PCCA: variants seen among roughly 807,000 people sequenced by gnomAD.
PCCA encodes propionyl-CoA carboxylase alpha chain, mitochondrial.
PCCA carries 74 observed loss-of-function variants against 101.3 expected under a neutral mutation model. The ratio of observed to expected loss-of-function variants is 0.73; its 90% CI spans 0.61 to 0.89. The LOEUF (loss-of-function observed/expected upper bound fraction) is 0.89, where lower values mean the gene tolerates loss of function less well. PCCA is among the 40% of genes least tolerant of loss of function. The pLI, the probability that PCCA is intolerant of heterozygous loss-of-function variation, is 0.00. For missense variants in PCCA, 891 were observed against 907.0 expected (o/e 0.98, Z 0.23); for synonymous variants, 294 against 313.6 (o/e 0.94, Z 0.66).
chr13:100,118,782 C>G (rs151012896), intron 4 of PCCA, among the ~76,000 whole-genome samples: 2,218 of 152,214 alleles, frequency 0.015, 25 homozygotes, highest in Non-Finnish European at 0.022. Flanking sequence ...CTCCTGGGCT[C>G]AAGAGATCCT....
intron 20 of PCCA, among the ~76,000 whole-genome samples, chr13:100,439,317 T>A (rs2080172991): frequency 6.6e-6 from 1 of 152,228 alleles, no homozygotes; most frequent in South Asian, 2.1e-4. Flanking sequence ...ACAAACTTTT[T>A]AAATTTCCCA....
Position 100,307,221 on chromosome 13 carries a change from A to C in PCCA, c.1314A>C (p.Gly438=). The part of the protein sequence containing the change: ...GVRVDSGIQP[G]SDISIYYDPM... ...GAGTGGACAGTGGCATCCAACCAGG[A>C]AGTGATATTAGCATTTATTATGATC... Residue 438 remains glycine (G), a synonymous_variant, in exon 15 of 24, where the codon GGA becomes GGC. Transcript: ENST00000376285. 1 of 1,610,976 alleles carries C rather than the reference A, an allele frequency of 6.2e-7. No homozygotes were observed. Among genetic ancestry groups the C allele is most frequent in the South Asian group, 1.1e-5 (1 of 91,014 alleles).
intron 12 of PCCA, among the ~76,000 whole-genome samples, chr13:100,276,751 A>G (rs1448290504): frequency 1.3e-5 from 2 of 152,044 alleles, no homozygotes; most frequent in African/African-American, 4.8e-5. Flanking sequence ...TTTTAAAAGT[A>G]TGATTCATTG....
chr13:100,368,222 C>A (rs1253213746), intron 18 of PCCA, among the ~76,000 whole-genome samples: 1 of 151,628 alleles, frequency 6.6e-6, no homozygotes, highest in African/African-American at 2.4e-5. Context: ...TTTAAAAAAA[C>A]CATTTTGAAT....
Position 100,373,976 on chromosome 13 carries a change from G to A in PCCA, c.1746+5402G>A, listed in dbSNP as rs531549280. Reference sequence around the variant, plus strand: ...AAAATACAAAAATTAGCCAAGTGTGGTAGCACGCGCCTGTAATCCCAGCTA... The same window carrying A: ...AAAATACAAAAATTAGCCAAGTGTGATAGCACGCGCCTGTAATCCCAGCTA... On this transcript the variant is annotated intron_variant, in intron 19 of 23. Transcript: ENST00000376285. Among the ~76,000 whole-genome samples the A allele has an allele frequency of 2.0e-3, 305 of 152,176 alleles. 2 individuals are homozygous for A. Among genetic ancestry groups the A allele is most frequent in the African/African-American group, 6.8e-3 (281 of 41,516 alleles).
chr13:100,298,787 A>G (rs1002744325), intron 12 of PCCA, among the ~76,000 whole-genome samples: 12 of 144,322 alleles, frequency 8.3e-5, no homozygotes, highest in African/African-American at 3.1e-4. Context: ...ACCCTGTTCT[A>G]TCACTTAAGT....
chr13:100,292,911 C>A (rs2065238348), intron 12 of PCCA, among the ~76,000 whole-genome samples: 1 of 142,864 alleles, frequency 7.0e-6, no homozygotes, highest in African/African-American at 2.6e-5. Flanking sequence ...AATATTAGGA[C>A]CCTGAATACA....
intron 4 of PCCA, among the ~76,000 whole-genome samples, chr13:100,118,662 CCTT>C (rs2049064868): frequency 6.6e-6 from 1 of 152,046 alleles, no homozygotes; most frequent in Non-Finnish European, 1.5e-5. Context: ...GATCCTCCCA[CCTT>C]AGTTTCCCAA....
intron 22 of PCCA, among the ~76,000 whole-genome samples, chr13:100,521,331 G>C (rs528725218): frequency 2.6e-5 from 4 of 152,342 alleles, no homozygotes; most frequent in Admixed American, 6.5e-5. Context: ...CGAGCCGGCA[G>C]CGGGGCTGGA....
chr13:100,216,361 G>A (rs577762343), intron 7 of PCCA, among the ~76,000 whole-genome samples: 1 of 152,168 alleles, frequency 6.6e-6, no homozygotes, highest in Admixed American at 6.5e-5. Flanking sequence ...TTAGAGATAA[G>A]GTAAAAAAAG....
intron 6 of PCCA, among the ~76,000 whole-genome samples, chr13:100,179,397 A>G (rs929810565): frequency 6.6e-6 from 1 of 152,162 alleles, no homozygotes; most frequent in Non-Finnish European, 1.5e-5. Context: ...TAAAATGTAC[A>G]GCTAGTATTG....
chr13:100,197,413 T>A (rs899886457), intron 6 of PCCA, among the ~76,000 whole-genome samples: 1 of 152,086 alleles, frequency 6.6e-6, no homozygotes, highest in Non-Finnish European at 1.5e-5. Context: ...CAGGCTGATC[T>A]TGAACTCCTG....
intron 17 of PCCA, among the ~76,000 whole-genome samples, chr13:100,335,870 A>T (rs1013647379): frequency 6.6e-6 from 1 of 152,202 alleles, no homozygotes; most frequent in African/African-American, 2.4e-5. Context: ...GTCCAGCCAG[A>T]TTACCCTACA....
intron 19 of PCCA, 27 bp downstream of exon 19, chr13:100,368,601 G>T: frequency 2.2e-6 from 3 of 1,372,306 alleles, no homozygotes; most frequent in South Asian, 2.3e-5. Context: ...TATTTTCTTG[G>T]TAATCTTGAT....
rs1566907381 is a variant in PCCA at position 100,307,261 on chromosome 13, G to A, written c.1353+1G>A. On this transcript the variant is annotated splice_donor_variant, in intron 15 of 23. Transcript: ENST00000376285. LOFTEE classifies it high-confidence loss of function. Reference sequence around the variant, plus strand: ...TTATTATGATCCTATGATTTCAAAAGTTAGTTTAATTTCTCAATGGATTAT... The same window carrying A: ...TTATTATGATCCTATGATTTCAAAAATTAGTTTAATTTCTCAATGGATTAT... 6.3e-7 allele frequency: 1 copy of A among 1,581,912 alleles called. No individual in the cohort carries two copies. The highest frequency in any genetic ancestry group is 1.1e-5 in the South Asian group (1 of 90,434).
intron 18 of PCCA, among the ~76,000 whole-genome samples, chr13:100,355,068 G>A (rs1343430369): frequency 6.6e-6 from 1 of 152,084 alleles, no homozygotes; most frequent in Non-Finnish European, 1.5e-5. Context: ...CAACCAAATA[G>A]TGGCAAACTG....
chr13:100,305,713 T>G, intron 14 of PCCA: 1 of 331,218 alleles, frequency 3.0e-6, no homozygotes, highest in Non-Finnish European at 6.2e-6. Context: ...GATTGTGATT[T>G]TATTGCTTTT....
intron 6 of PCCA, among the ~76,000 whole-genome samples, chr13:100,166,564 G>T (rs1419481299): frequency 1.3e-5 from 2 of 152,212 alleles, no homozygotes; most frequent in Admixed American, 6.5e-5. Flanking sequence ...CTCCCAAAGT[G>T]CTGGGATTAC....
chr13:100,354,614 G>C (rs1162019920), intron 18 of PCCA, among the ~76,000 whole-genome samples: 1 of 151,982 alleles, frequency 6.6e-6, no homozygotes, highest in African/African-American at 2.4e-5. Flanking sequence ...TAGATAGGCT[G>C]ACCAAAAGAA....
Sources: allele counts gnomAD v4.1 joint callset (sites outside exome capture counted in the v4.1 genomes callset), GRCh38; gene constraint gnomAD v4.1.1; transcripts MANE v1.5; gene names NCBI Gene and HGNC (gene_info 2026-07-23, HGNC 2026-07-21).